Variants in CDK15 observed in about 807,000 individuals in gnomAD.
The protein encoded by CDK15 is cyclin-dependent kinase 15.
Under a neutral mutation model 60.3 loss-of-function variants are expected in CDK15, and 62 were observed. The observed-to-expected ratio is 1.03, with a 90% CI of 0.84 to 1.27. The LOEUF (loss-of-function observed/expected upper bound fraction) is 1.27, where lower values mean the gene tolerates loss of function less well. Ranked by LOEUF, CDK15 falls within the 50% of genes most tolerant of loss-of-function variation. CDK15 has a pLI of 0.00. For synonymous variants in CDK15, 194 were observed against 195.7 expected, an observed-to-expected ratio of 0.99 and a Z score of 0.07; for missense variants, 541 against 527.8, an observed-to-expected ratio of 1.03 and a Z score of -0.25.
chr2:201,814,389 A>G (rs1448349048), intron 4 of CDK15, among the ~76,000 whole-genome samples: 1 of 152,254 alleles, frequency 6.6e-6, no homozygotes, highest in African/African-American at 2.4e-5. Flanking sequence ...ATTAAAAACC[A>G]CAAGAGGATT....
chr2:201,892,471 AC>A (rs1407261663), intron 13 of CDK15, among the ~76,000 whole-genome samples: 2 of 152,232 alleles, frequency 1.3e-5, no homozygotes, highest in Non-Finnish European at 2.9e-5. Context: ...GTGACCTTCC[AC>A]AAAAAATTGC....
chr2:201,872,030 A>G (rs1455697068), intron 10 of CDK15, among the ~76,000 whole-genome samples: 2 of 152,090 alleles, frequency 1.3e-5, no homozygotes, highest in African/African-American at 4.8e-5. Flanking sequence ...TCATATTCTA[A>G]AGTAATTGGG....
At position 201,806,654 on chromosome 2, in the gene CDK15, C is replaced by G. The variant is rs776384229; in HGVS notation, c.-11C>G. ...TTCAAGTGCGGGTTTTCTCCTTGAA[C>G]CTACAAGATTATGGGTCAAGAGCTG... On this transcript the variant is annotated 5_prime_UTR_variant, in exon 1 of 14. Transcript: ENST00000652192. The G allele has an allele frequency of 1.9e-5, 30 of 1,578,910 alleles. No homozygotes were observed. In the African/African-American group the frequency reaches 3.8e-4, roughly 20 times the overall value.
intron 10 of CDK15, among the ~76,000 whole-genome samples, chr2:201,865,314 C>G (rs961922032): frequency 6.6e-6 from 1 of 151,694 alleles, no homozygotes; most frequent in African/African-American, 2.4e-5. Flanking sequence ...AGTCATAGCC[C>G]TGCCTCTAAG....
rs1176958373 is a variant in CDK15, at chr2:201,847,399, T to C, written c.870T>C (p.Phe290=). The change falls in exon 9 of 14, where the codon TTT becomes TTC. Residue 290 remains phenylalanine, a synonymous_variant. Coordinates refer to ENST00000652192, the MANE Select transcript of CDK15 (RefSeq NM_001366386.2). ...ELDIWGAGCI[F]IEMFQGQPLF... is the part of the protein sequence containing the mutation. ...TTGCTAGGGGTGCAGGCTGCATCTT[T>C]ATTGAAATGTTCCAGGGTCAACCTT... 6.2e-7 allele frequency: 1 copy of C among 1,614,126 alleles called. No individual in the cohort carries two copies. Among genetic ancestry groups the C allele is most frequent in the Non-Finnish European group, 8.5e-7 (1 of 1,180,006 alleles).
rs896171307 is a variant in CDK15 at position 201,807,731 on chromosome 2, C to T, written c.273+88C>T. The T allele has an allele frequency of 1.2e-5, 19 of 1,570,588 alleles. No homozygotes were observed. The African/African-American group carries it at 1.8e-4, about 15-fold the overall frequency. On this transcript the variant is annotated intron_variant, in intron 2 of 13. Coordinates refer to ENST00000652192, the MANE Select transcript of CDK15 (RefSeq NM_001366386.2). Reference sequence around the variant, plus strand: ...CCTTGCTTCCAGGGCAATTACTGAGCGAGCCTTCCCAAGTCTGCTCTGGCA... The same window carrying T: ...CCTTGCTTCCAGGGCAATTACTGAGTGAGCCTTCCCAAGTCTGCTCTGGCA...
At chr2:201,876,924 A>C (rs1699101662) in intron 11 of CDK15, among the ~76,000 whole-genome samples, 1 of 152,092 alleles carries the variant, frequency 6.6e-6, no homozygotes, top group Non-Finnish European at 1.5e-5. Context: ...CAGCCCCCTG[A>C]GTAGCTGGGA....
chr2:201,872,815 G>A (rs1436690411), intron 11 of CDK15, among the ~76,000 whole-genome samples: 2 of 152,106 alleles, frequency 1.3e-5, no homozygotes, highest in Non-Finnish European at 2.9e-5. Context: ...GAGACATTCC[G>A]GGAATAGTTA....
chr2:201,848,565 C>T (rs1336255999), intron 9 of CDK15, among the ~76,000 whole-genome samples: 1 of 152,128 alleles, frequency 6.6e-6, no homozygotes, highest in African/African-American at 2.4e-5. Context: ...CCCCACACTC[C>T]CCTAGCCCCT....
At chr2:201,825,661 A>C (rs1696449914) in intron 6 of CDK15, among the ~76,000 whole-genome samples, 1 of 152,182 alleles carries the variant, frequency 6.6e-6, no homozygotes, top group African/African-American at 2.4e-5. Flanking sequence ...TTTTTATGGT[A>C]ATGCTTGGCA....
At chr2:201,841,319 G>T (rs1697370165) in intron 8 of CDK15, among the ~76,000 whole-genome samples, 1 of 152,128 alleles carries the variant, frequency 6.6e-6, no homozygotes, top group Admixed American at 6.5e-5. Context: ...GCAGTTATAA[G>T]TCAAAATTAT....
intron 12 of CDK15, chr2:201,888,664 G>A: frequency 7.4e-7 from 1 of 1,348,262 alleles, no homozygotes; most frequent in Non-Finnish European, 9.5e-7. Flanking sequence ...AGCCAAATTG[G>A]AATCCTTTTG....
intron 10 of CDK15, chr2:201,861,292 A>C (rs1332168265): frequency 2.0e-6 from 2 of 993,798 alleles, no homozygotes; most frequent in East Asian, 1.1e-4. Flanking sequence ...GCCAAGATCG[A>C]TGCTGGGTGG....
chr2:201,847,463 A>G lies in CDK15; in HGVS notation c.934A>G (p.Lys312Glu). The change falls in exon 9 of 14, where the codon AAA (lysine) becomes GAA (glutamate). Residue 312 changes from lysine to glutamate, a missense_variant. Transcript: ENST00000652192. The part of the protein sequence containing the change: ...GVSNILEQLE[K>E]IWEVLGVPTE... Reference sequence around the variant, plus strand: ...TTCCAACATCCTTGAACAGCTGGAGAAAATCTGGGAGGTAGGAGAATAATT... The same window carrying G: ...TTCCAACATCCTTGAACAGCTGGAGGAAATCTGGGAGGTAGGAGAATAATT... 6.2e-7 allele frequency: 1 copy of G among 1,613,856 alleles called. No homozygotes were observed. The highest frequency in any genetic ancestry group is 1.1e-5 in the South Asian group (1 of 91,050).
intron 6 of CDK15, among the ~76,000 whole-genome samples, chr2:201,828,560 C>T (rs1241322251): frequency 1.3e-5 from 2 of 151,820 alleles, no homozygotes; most frequent in Admixed American, 1.3e-4. Flanking sequence ...GATGCATTGA[C>T]CTTGTGGATT....
chr2:201,837,999 C>T (rs1306721105), intron 8 of CDK15, among the ~76,000 whole-genome samples: 2 of 152,102 alleles, frequency 1.3e-5, no homozygotes, highest in East Asian at 1.9e-4. Context: ...CAGCTCACAC[C>T]GCTCAGCACT....
Position 201,890,834 on chromosome 2 carries a change from T to C in CDK15, c.1248T>C (p.Cys416=). The C allele has an allele frequency of 6.2e-7, 1 of 1,613,804 alleles. No homozygotes were observed. The highest frequency in any genetic ancestry group is 1.1e-5 in the South Asian group (1 of 90,994). ...VSGVRLKPEM[C]DLLASYQKGH... ...GAGTGAGGCTAAAGCCAGAAATGTG[T>C]GACCTTTTGGCCTCCTACCAGAAAG... The change falls in exon 13 of 14, where the codon TGT becomes TGC. Residue 416 remains cysteine, a synonymous_variant. Coordinates refer to ENST00000652192, the MANE Select transcript of CDK15 (RefSeq NM_001366386.2).
At chr2:201,875,323 G>A (rs1574931887) in intron 11 of CDK15, among the ~76,000 whole-genome samples, 1 of 152,208 alleles carries the variant, frequency 6.6e-6, no homozygotes, top group Admixed American at 6.5e-5. Flanking sequence ...ACGCTCTTAG[G>A]CTGCTGGCAG....
At chr2:201,835,580 AG>A (rs1696969258) in intron 7 of CDK15, 62 bp from the exon 8 acceptor site, 1 of 1,437,718 alleles carries the variant, frequency 7.0e-7, no homozygotes. Flanking sequence ...ACCCTGGTCC[AG>A]TGCATCATGG....
Sources: gnomAD v4.1 joint callset for allele counts (sites outside exome capture counted in the v4.1 genomes callset) on GRCh38, gnomAD v4.1.1 for gene constraint, MANE v1.5 for transcripts, NCBI Gene and HGNC (gene_info 2026-07-23, HGNC 2026-07-21) for gene names.